The following SNX13 variants were observed in gnomAD, a reference collection of about 807,000 sequenced individuals.
SNX13 encodes the protein sorting nexin-13.
Under a neutral mutation model 133.6 loss-of-function variants are expected in SNX13, and 45 were observed. The ratio of observed to expected loss-of-function variants is 0.34; its 90% CI spans 0.27 to 0.43. SNX13 has a LOEUF of 0.43. SNX13 is among the 20% of genes least tolerant of loss of function. SNX13 has a pLI of 1.00. For missense variants in SNX13, 1,032 were observed against 1,145.1 expected (o/e 0.90, Z 1.43); for synonymous variants, 414 against 373.9 (o/e 1.11, Z -1.24).
chr7:17,895,138 G>C (rs1433997110), intron 2 of SNX13, among the ~76,000 whole-genome samples: 1 of 152,118 alleles, frequency 6.6e-6, no homozygotes, highest in African/African-American at 2.4e-5. Flanking sequence ...TCAAGAAACA[G>C]ACTGATAAGA....
At chr7:17,932,135 C>G (rs1039416304) in intron 1 of SNX13, among the ~76,000 whole-genome samples, 1 of 152,254 alleles carries the variant, frequency 6.6e-6, no homozygotes, top group Non-Finnish European at 1.5e-5. Flanking sequence ...ACAAAGCTTT[C>G]TTTAAATGTA....
intron 1 of SNX13, among the ~76,000 whole-genome samples, chr7:17,925,740 G>A (rs1800672203): frequency 6.6e-6 from 1 of 151,878 alleles, no homozygotes. Flanking sequence ...ATCCTACAAT[G>A]CACAGGACAA....
intron 18 of SNX13, among the ~76,000 whole-genome samples, chr7:17,817,942 G>C (rs1355321148): frequency 6.6e-6 from 1 of 152,072 alleles, no homozygotes; most frequent in African/African-American, 2.4e-5. Context: ...CGCAGACGGT[G>C]ACTGAATTGA....
intron 8 of SNX13, among the ~76,000 whole-genome samples, chr7:17,871,589 T>A (rs1020550113): frequency 1.3e-5 from 2 of 152,170 alleles, no homozygotes; most frequent in Non-Finnish European, 2.9e-5. Context: ...TGTCTGAACA[T>A]CCCATCCTGC....
chr7:17,875,816 G>T (rs1324194422), intron 5 of SNX13, 26 bp from the exon 6 acceptor site: 1 of 1,522,622 alleles, frequency 6.6e-7, no homozygotes, highest in Non-Finnish European at 8.9e-7. Flanking sequence ...TTACATAAAA[G>T]GATTATATAA....
intron 20 of SNX13, among the ~76,000 whole-genome samples, 182 bp downstream of exon 20, chr7:17,814,652 A>C (rs889968989): frequency 3.3e-5 from 5 of 152,176 alleles, no homozygotes; most frequent in Admixed American, 3.3e-4. Flanking sequence ...ATTATAATCA[A>C]CATGTCAAGA....
At chr7:17,817,504 C>A (rs891070303) in intron 18 of SNX13, among the ~76,000 whole-genome samples, 2 of 152,140 alleles carry the variant, frequency 1.3e-5, no homozygotes, top group African/African-American at 2.4e-5. Flanking sequence ...CATCCCCAAA[C>A]TGGAAGATTC....
chr7:17,839,563 T>A (rs141427399), intron 13 of SNX13, among the ~76,000 whole-genome samples: 10 of 152,110 alleles, frequency 6.6e-5, no homozygotes, highest in African/African-American at 2.4e-4. Context: ...CAGCCTGTGG[T>A]GAATCTAATG....
intron 9 of SNX13, among the ~76,000 whole-genome samples, chr7:17,853,901 A>G (rs1433253196): frequency 6.6e-6 from 1 of 152,182 alleles, no homozygotes; most frequent in African/African-American, 2.4e-5. Flanking sequence ...AAATCGTGCC[A>G]CTGCACTCCA....
chr7:17,796,794 T>C lies in SNX13; in HGVS notation c.2626+33A>G, dbSNP rs1228865185. 2.7e-6 allele frequency: 4 copies of C among 1,476,316 alleles called. No individual in the cohort carries two copies. The Admixed American group carries it at 6.7e-5, about 25-fold the overall frequency. 91.5% of individuals were successfully genotyped at this position (1,476,316 alleles called of 1,614,324 possible). A position where few individuals can be genotyped will look rare whatever the true frequency, so the allele number is the denominator to read the frequency against. On this transcript the variant is annotated intron_variant, in intron 25 of 25. Coordinates refer to ENST00000428135, the MANE Select transcript of SNX13 (RefSeq NM_015132.5). Reference sequence around the variant, plus strand: ...CTAAAAACTCAGAAGAATGACAAATTATAAAGATTTTTAACTATACATGCT... The same window carrying C: ...CTAAAAACTCAGAAGAATGACAAATCATAAAGATTTTTAACTATACATGCT...
chr7:17,852,883 T>C (rs1464620127), intron 9 of SNX13, among the ~76,000 whole-genome samples: 1 of 152,156 alleles, frequency 6.6e-6, no homozygotes, highest in South Asian at 2.1e-4. Flanking sequence ...CAGAAGAAAA[T>C]ATAAAATATA....
intron 9 of SNX13, among the ~76,000 whole-genome samples, chr7:17,865,643 T>C (rs1793307189): frequency 6.6e-6 from 1 of 152,062 alleles, no homozygotes; most frequent in African/African-American, 2.4e-5. Flanking sequence ...CCAAAATGTA[T>C]TAATATATGG....
At chr7:17,892,984 C>A (rs1452099002) in intron 3 of SNX13, among the ~76,000 whole-genome samples, 1 of 152,080 alleles carries the variant, frequency 6.6e-6, no homozygotes, top group Non-Finnish European at 1.5e-5. Flanking sequence ...GATTCCTCTG[C>A]AATTTATTTC....
chr7:17,934,876 G>A (rs139703385), intron 1 of SNX13, among the ~76,000 whole-genome samples: 2 of 152,222 alleles, frequency 1.3e-5, no homozygotes, highest in East Asian at 1.9e-4. Flanking sequence ...AAAAAAATGA[G>A]AGTAAGTGAT....
At chr7:17,867,762 G>C (rs1793577713) in intron 9 of SNX13, among the ~76,000 whole-genome samples, 2 of 152,008 alleles carry the variant, frequency 1.3e-5, no homozygotes, top group African/African-American at 4.8e-5. Context: ...CCAGATTTAA[G>C]AAAATAAATC....
chr7:17,809,045 T>C (rs1583316834), intron 20 of SNX13, among the ~76,000 whole-genome samples: 1 of 151,986 alleles, frequency 6.6e-6, no homozygotes, highest in African/African-American at 2.4e-5. Context: ...GAAACTGCAT[T>C]AACTAACGAG....
intron 20 of SNX13, among the ~76,000 whole-genome samples, chr7:17,809,959 A>G (rs1785808778): frequency 6.6e-6 from 1 of 152,166 alleles, no homozygotes; most frequent in Non-Finnish European, 1.5e-5. Context: ...TCTCTGGGAC[A>G]CAGCTAAACA....
intron 9 of SNX13, among the ~76,000 whole-genome samples, chr7:17,854,901 T>A (rs189386879): frequency 6.6e-6 from 1 of 152,250 alleles, no homozygotes; most frequent in East Asian, 1.9e-4. Context: ...ATGACTAAGC[T>A]TAGCCAGGAA....
intron 8 of SNX13, among the ~76,000 whole-genome samples, chr7:17,869,529 G>T (rs981265989): frequency 2.6e-5 from 4 of 151,988 alleles, no homozygotes; most frequent in African/African-American, 9.7e-5. Context: ...AGCTTAACAG[G>T]ATGTATAATT....
Sources: allele counts gnomAD v4.1 joint callset (sites outside exome capture counted in the v4.1 genomes callset), GRCh38; gene constraint gnomAD v4.1.1; transcripts MANE v1.5; gene names NCBI Gene and HGNC (gene_info 2026-07-23, HGNC 2026-07-21).